The following PLAT variants were observed in gnomAD, a reference collection of about 807,000 sequenced individuals.
The protein encoded by PLAT is plasminogen activator, tissue type, also known as tissue-type plasminogen activator.
In PLAT, 48 loss-of-function variants were observed where a neutral mutation model predicts 74.9. The observed-to-expected ratio is 0.64, with a 90% confidence interval of 0.51 to 0.82. The LOEUF is 0.82. PLAT is among the 40% of genes least tolerant of loss of function. The probability of loss-of-function intolerance (pLI) is 0.00; values close to 1 mark genes in which losing one functional copy is unlikely to be tolerated. For synonymous variants in PLAT, 307 were observed against 294.4 expected (o/e 1.04, Z -0.44); for missense variants, 673 against 736.2 (o/e 0.91, Z 0.99).
chr8:42,180,878 A>G (rs1223193453), intron 9 of PLAT, 193 bp from the exon 10 acceptor site: 1 of 533,432 alleles, frequency 1.9e-6, no homozygotes, highest in Non-Finnish European at 3.3e-6. Context: ...GTTTTTGCCC[A>G]AGGTTGCAAT....
At chr8:42,185,015 G>C in intron 7 of PLAT, 66 bp downstream of exon 7, 1 of 1,082,952 alleles carries the variant, frequency 9.2e-7, no homozygotes, top group East Asian at 2.5e-5. Context: ...GAGGGCTATC[G>C]GCCTGTCCTC....
At chr8:42,200,319 A>G (rs1806078789) in intron 1 of PLAT, among the ~76,000 whole-genome samples, 1 of 151,836 alleles carries the variant, frequency 6.6e-6, no homozygotes, top group Non-Finnish European at 1.5e-5. Flanking sequence ...AGGGTGGATC[A>G]TTTGAGCCCA....
chr8:42,190,470 A>T (rs945937557), intron 3 of PLAT, among the ~76,000 whole-genome samples: 2 of 152,206 alleles, frequency 1.3e-5, no homozygotes, highest in African/African-American at 4.8e-5. Context: ...CCAGAATGCC[A>T]ACTTAAAAAA....
chr8:42,194,255 T>A (rs1431035055), intron 1 of PLAT, among the ~76,000 whole-genome samples: 66 of 132,452 alleles, frequency 5.0e-4, no homozygotes, highest in African/African-American at 1.7e-3. Flanking sequence ...TGTGTGTGTG[T>A]GTGTGTGTGT....
intron 3 of PLAT, among the ~76,000 whole-genome samples, chr8:42,190,333 T>G (rs1587937109): frequency 6.6e-6 from 1 of 152,340 alleles, no homozygotes; most frequent in South Asian, 2.1e-4. Flanking sequence ...GATGCATTTT[T>G]GGCCCCAAAG....
chr8:42,183,569 C>T (rs1294890206), intron 7 of PLAT, among the ~76,000 whole-genome samples: 1 of 152,118 alleles, frequency 6.6e-6, no homozygotes, highest in Non-Finnish European at 1.5e-5. Context: ...CGGACTGTGT[C>T]TGCCAGTGTC....
At chr8:42,177,927 G>T (rs1805036479) in intron 13 of PLAT, among the ~76,000 whole-genome samples, 1 of 152,192 alleles carries the variant, frequency 6.6e-6, no homozygotes, top group Admixed American at 6.5e-5. Flanking sequence ...TCTACCCCCA[G>T]CCCCTAAAGG....
rs1030756814 is a variant in PLAT, at chr8:42,180,544, C to T, written c.1031G>A (p.Gly344Asp). The T allele has an allele frequency of 6.2e-7, 1 of 1,614,114 alleles. No individual in the cohort carries two copies. Among genetic ancestry groups the T allele is most frequent in the Non-Finnish European group, 8.5e-7 (1 of 1,180,046 alleles). ...RSPGERFLCG[G>D]ILISSCWILS... ...AATCCAGCAGGAGCTGATGAGTATG[C>T]CCCCGCACAGGAACCGCTCTCCGGG... is the stretch of plus-strand genomic sequence containing the variant. The change falls in exon 10 of 14, where the codon GGC becomes GAC. Residue 344 changes from glycine (G) to aspartate (D), a missense_variant. Gly to Asp is a moderately conservative substitution (Grantham distance 94). Transcript: ENST00000220809.
chr8:42,175,976 G>A lies in PLAT; in HGVS notation c.*17C>T, dbSNP rs781324112. On this transcript the variant is annotated 3_prime_UTR_variant, in exon 14 of 14. Transcript: ENST00000220809. ...AGGCGGGATCTCATTTGCTTTTGAGGAGTCGGGTGTTCCTGGTCACGGTCG... is the reference window on the plus strand; with the variant it reads ...AGGCGGGATCTCATTTGCTTTTGAGAAGTCGGGTGTTCCTGGTCACGGTCG... 4.3e-6 allele frequency: 7 copies of A among 1,613,102 alleles called. No homozygotes were observed. The highest frequency in any genetic ancestry group is 5.1e-6 in the Non-Finnish European group (6 of 1,179,214).
In PLAT at chr8:42,176,107, C is replaced by G; in HGVS notation, c.1575G>C (p.Met525Ile). The G allele has an allele frequency of 6.2e-7, 1 of 1,614,030 alleles. No homozygotes were observed. The highest frequency in any genetic ancestry group is 8.5e-7 in the Non-Finnish European group (1 of 1,179,942). The change falls in exon 14 of 14, where the codon ATG (methionine) becomes ATC (isoleucine). Residue 525 changes from methionine to isoleucine, a missense_variant. Transcript: ENST00000220809. ...GPLVCLNDGRMTLVGIISWGL... is the reference protein window; with the variant it reads ...GPLVCLNDGRITLVGIISWGL... ...CCCAGCTGATGATGCCCACCAAAGT[C>G]ATGCGGCCATCGTTCAGACACACCA...
chr8:42,179,963 C>T lies in PLAT; in HGVS notation c.1326G>A (p.Thr442=), dbSNP rs996264302. Residue 442 remains threonine (T), a synonymous_variant, in exon 12 of 14, where the codon ACG becomes ACA. Coordinates refer to ENST00000220809, the MANE Select transcript of PLAT (RefSeq NM_000930.5). The part of the protein sequence containing the change: ...PPADLQLPDW[T]ECELSGYGKH... The stretch of plus-strand genomic sequence containing the variant: ...TGCCGTAGCCGGAGAGCTCACACTC[C>T]GTCCAGTCCGGCAGCTGCAGGTCCG... 5.0e-6 allele frequency: 8 copies of T among 1,607,734 alleles called. No homozygotes were observed. The highest frequency in any genetic ancestry group is 1.7e-4 in the Middle Eastern group (1 of 6,044).
At chr8:42,180,446 G>A (rs1805189467) in intron 10 of PLAT, 44 bp downstream of exon 10, 4 of 1,613,664 alleles carry the variant, frequency 2.5e-6, no homozygotes, top group Admixed American at 1.7e-5. Flanking sequence ...TTGGTTTCTA[G>A]GCGTTAGAGG....
rs773970600 is a variant in PLAT at position 42,182,781 on chromosome 8, C to G, written c.741G>C (p.Lys247Asn). The G allele has an allele frequency of 6.2e-7, 1 of 1,613,920 alleles. No homozygotes were observed. The highest frequency in any genetic ancestry group is 1.1e-5 in the South Asian group (1 of 91,078). Residue 247 changes from lysine to asparagine, a missense_variant, in exon 8 of 14, where the codon AAG becomes AAC. Coordinates refer to ENST00000220809, the MANE Select transcript of PLAT (RefSeq NM_000930.5). ...LPWNSMILIGKVYTAQNPSAQ... is the reference protein window; with the variant it reads ...LPWNSMILIGNVYTAQNPSAQ... Reference sequence around the variant, plus strand: ...CACTGGGGTTCTGTGCTGTGTAAACCTTGCCTATCAGGATCATGGAATTCC... The same window carrying G: ...CACTGGGGTTCTGTGCTGTGTAAACGTTGCCTATCAGGATCATGGAATTCC...
chr8:42,178,071 A>G (rs1045408894), intron 13 of PLAT, among the ~76,000 whole-genome samples: 1 of 152,170 alleles, frequency 6.6e-6, no homozygotes, highest in African/African-American at 2.4e-5. Flanking sequence ...TATAAGTACT[A>G]ATTCTGATAA....
chr8:42,200,335 T>G (rs528481820), intron 1 of PLAT, among the ~76,000 whole-genome samples: 113 of 151,878 alleles, frequency 7.4e-4, no homozygotes, highest in African/African-American at 2.5e-3. Flanking sequence ...GCCCAGGAGT[T>G]CAAGATCACC....
intron 4 of PLAT, chr8:42,188,611 G>A (rs1455887697): frequency 3.7e-6 from 1 of 268,604 alleles, no homozygotes; most frequent in Admixed American, 4.9e-5. Context: ...GGGCTTTTCT[G>A]TGTTTTTGTT....
chr8:42,176,014 A>C lies in PLAT; in HGVS notation c.1668T>G (p.Ile556Met), dbSNP rs1452141063. The C allele has an allele frequency of 5.0e-6, 8 of 1,614,138 alleles. No individual in the cohort carries two copies. Among genetic ancestry groups the C allele is most frequent in the Non-Finnish European group, 5.9e-6 (7 of 1,180,006 alleles). ...YTKVTNYLDW[I>M]RDNMRP Reference sequence around the variant, plus strand: ...CTGGTCACGGTCGCATGTTGTCACGAATCCAGTCTAGGTAGTTGGTAACCT... The same window carrying C: ...CTGGTCACGGTCGCATGTTGTCACGCATCCAGTCTAGGTAGTTGGTAACCT... Residue 556 changes from isoleucine to methionine, a missense_variant, in exon 14 of 14, where the codon ATT becomes ATG. Physicochemically the swap from Ile to Met is conservative, Grantham distance 10. Transcript: ENST00000220809.
chr8:42,191,611 T>A (rs563980866), intron 2 of PLAT, among the ~76,000 whole-genome samples, 197 bp from the exon 3 acceptor site: 24 of 152,214 alleles, frequency 1.6e-4, no homozygotes, highest in African/African-American at 5.8e-4. Context: ...ACTGGCTCTG[T>A]CCAGAAGAGC....
intron 1 of PLAT, among the ~76,000 whole-genome samples, chr8:42,196,307 C>T (rs1184324678): frequency 6.6e-6 from 1 of 152,182 alleles, no homozygotes; most frequent in Non-Finnish European, 1.5e-5. Flanking sequence ...GAGTTGGAGA[C>T]TTGTCTCTTC....
Sources: allele counts gnomAD v4.1 joint callset (sites outside exome capture counted in the v4.1 genomes callset), GRCh38; gene constraint gnomAD v4.1.1; transcripts MANE v1.5; gene names NCBI Gene and HGNC (gene_info 2026-07-23, HGNC 2026-07-21).